The following WDPCP variants were observed in gnomAD, a reference collection of about 807,000 sequenced individuals.
WDPCP encodes the protein WD repeat-containing and planar cell polarity effector protein fritz homolog.
WDPCP carries 71 observed loss-of-function variants against 93.1 expected under a neutral mutation model. The ratio of observed to expected loss-of-function variants is 0.76; its 90% CI spans 0.63 to 0.93. The LOEUF is 0.93. WDPCP is among the 40% of genes least tolerant of loss of function. The probability of loss-of-function intolerance (pLI) is 0.00; values close to 1 mark genes in which losing one functional copy is unlikely to be tolerated. For synonymous variants in WDPCP, 315 were observed against 315.0 expected (o/e 1.00, Z 0.00); for missense variants, 844 against 887.4 (o/e 0.95, Z 0.62).
intron 1 of WDPCP, among the ~76,000 whole-genome samples, chr2:63,522,254 A>G (rs1370077583): frequency 1.3e-5 from 2 of 151,166 alleles, no homozygotes; most frequent in Non-Finnish European, 1.5e-5. Context: ...ACTTCCACTT[A>G]TGAGTGAAAA....
rs1709005044 is a variant in WDPCP, at chr2:63,588,180, C to G, written c.75+17G>C. On this transcript the variant is annotated intron_variant, in intron 1 of 17. Transcript: ENST00000272321. ...TAAGGTTAAAAGAAAACCCCTTGCC[C>G]TCGGGCCAGGGCTCACCTGTCTCGG... 2.1e-5 allele frequency: 33 copies of G among 1,558,242 alleles called. No individual in the cohort carries two copies. The highest frequency in any genetic ancestry group is 2.8e-5 in the Non-Finnish European group (32 of 1,149,560).
intron 6 of WDPCP, among the ~76,000 whole-genome samples, chr2:63,444,419 T>C (rs531468109): frequency 6.6e-6 from 1 of 152,236 alleles, no homozygotes; most frequent in South Asian, 2.1e-4. Context: ...CAACTAGAGT[T>C]AGAAAAATAT....
intron 1 of WDPCP, among the ~76,000 whole-genome samples, chr2:63,559,161 A>T (rs1706379103): frequency 6.6e-6 from 1 of 152,170 alleles, no homozygotes; most frequent in South Asian, 2.1e-4. Flanking sequence ...CATAAACAGA[A>T]CTAAAGAAAA....
intron 2 of WDPCP, among the ~76,000 whole-genome samples, chr2:63,673,735 T>C (rs1031000880): frequency 4.6e-5 from 7 of 152,198 alleles, no homozygotes; most frequent in African/African-American, 1.7e-4. Context: ...GTACAGTCTA[T>C]AAAAAGTCTT....
intron 14 of WDPCP, among the ~76,000 whole-genome samples, chr2:63,242,231 T>C (rs1679912178): frequency 6.6e-6 from 1 of 152,194 alleles, no homozygotes; most frequent in African/African-American, 2.4e-5. Context: ...CAACTTATAA[T>C]GCTACAGCTT....
rs573355942 is a variant in WDPCP, at chr2:63,798,421, G to A, written n.308+15201C>T. ...ACAACAAAATGTTAAAAAGCAGGGG[G>A]AAGAAGTTAAGGCATAGTCTTCATT... On this transcript the variant is annotated intron_variant and non_coding_transcript_variant, in intron 2 of 4. Transcript: ENST00000467687. 2.0e-5 allele frequency among the ~76,000 whole-genome samples: 3 copies of A among 152,242 alleles called. No individual in the cohort carries two copies. The South Asian group carries it at 6.2e-4, about 32-fold the overall frequency.
At position 63,588,406 on chromosome 2, in the gene WDPCP, A is replaced by G. The variant is rs1160896304; in HGVS notation, c.-135T>C. 3.8e-6 allele frequency: 4 copies of G among 1,055,496 alleles called. No individual in the cohort carries two copies. Among genetic ancestry groups the G allele is most frequent in the African/African-American group, 1.6e-5 (1 of 63,468 alleles). The allele number at this position is 1,055,496 out of a possible 1,614,324, so 65.4% of individuals were successfully genotyped here. A position where few individuals can be genotyped will look rare whatever the true frequency, so the allele number is the denominator to read the frequency against. On this transcript the variant is annotated 5_prime_UTR_variant, in exon 1 of 18. Coordinates refer to ENST00000272321, the MANE Select transcript of WDPCP (RefSeq NM_015910.7). ...ACAGTTTCCTCAGGTGCTACAAAGC[A>G]GCCAGGGTGTGCGTGCGCTCCCGCC...
chr2:63,127,697 G>GCA lies in WDPCP; in HGVS notation c.2191-5643_2191-5642dup, dbSNP rs920755443. ...TATATATATATATATATATATATAC[G>GCA]CACACACACACATATATATATGCAC... On this transcript the variant is annotated intron_variant, in intron 17 of 17. Coordinates refer to ENST00000272321, the MANE Select transcript of WDPCP (RefSeq NM_015910.7). 4.8e-3 allele frequency among the ~76,000 whole-genome samples: 471 copies of GCA among 99,134 alleles called. 2 individuals are homozygous for GCA. Among genetic ancestry groups the GCA allele is most frequent in the African/African-American group, 0.017 (450 of 25,936 alleles). 65.0% of individuals were successfully genotyped at this position (99,134 alleles called of 152,430 possible). A position where few individuals can be genotyped will look rare whatever the true frequency, so the allele number is the denominator to read the frequency against.
At position 63,376,821 on chromosome 2, in the gene WDPCP, C is replaced by T. The variant is rs13403912; in HGVS notation, c.1748+1565G>A. ...ATTCAATTACATATCATAACCCTTG[C>T]AATATTTTAATGTTTCTCAGCTTCT... On this transcript the variant is annotated intron_variant, in intron 12 of 17. Transcript: ENST00000272321. Among the ~76,000 whole-genome samples the T allele has an allele frequency of 8.2e-4, 124 of 151,976 alleles. No homozygotes were observed. In the Middle Eastern group the frequency reaches 0.01, roughly 13 times the overall value.
intron 6 of WDPCP, among the ~76,000 whole-genome samples, chr2:63,481,188 G>A (rs896845602): frequency 1.3e-5 from 2 of 151,918 alleles, no homozygotes; most frequent in Non-Finnish European, 2.9e-5. Context: ...ACCACAATGT[G>A]ATATACCACC....
At chr2:63,123,008 T>TCTAC in intron 17 of WDPCP, among the ~76,000 whole-genome samples, 1 of 150,414 alleles carries the variant, frequency 6.6e-6, no homozygotes, top group African/African-American at 2.4e-5. Context: ...AACACATGTA[T>TCTAC]GTAGGTATGT....
intron 1 of WDPCP, among the ~76,000 whole-genome samples, chr2:63,578,908 G>T (rs1708294808): frequency 6.6e-6 from 1 of 152,076 alleles, no homozygotes. Flanking sequence ...TCCTATTTAG[G>T]AGAGGAGAGA....
intron 2 of WDPCP, among the ~76,000 whole-genome samples, chr2:63,758,433 T>TG (rs1670001111): frequency 6.6e-6 from 1 of 152,160 alleles, no homozygotes; most frequent in Non-Finnish European, 1.5e-5. Context: ...GGAATCTTTT[T>TG]GTTTTGTTTT....
intron 14 of WDPCP, chr2:63,233,379 CAG>C (rs1679102382): frequency 3.8e-6 from 1 of 262,116 alleles, no homozygotes; most frequent in South Asian, 5.8e-5. Flanking sequence ...CATAAATCCA[CAG>C]AGTCTACACA....
At chr2:63,363,232 T>A (rs1690623186) in intron 12 of WDPCP, among the ~76,000 whole-genome samples, 1 of 152,166 alleles carries the variant, frequency 6.6e-6, no homozygotes, top group African/African-American at 2.4e-5. Flanking sequence ...TCACCCTCCA[T>A]ATCTTGCAGA....
chr2:63,205,241 A>G (rs1412591470), intron 14 of WDPCP, among the ~76,000 whole-genome samples: 2 of 152,096 alleles, frequency 1.3e-5, no homozygotes, highest in Non-Finnish European at 2.9e-5. Context: ...TTTGGTTACT[A>G]TAGCTCTGTA....
chr2:63,588,527 T>G (rs1170290458), upstream of WDPCP: 2 of 598,100 alleles, frequency 3.3e-6, no homozygotes, highest in Middle Eastern at 4.4e-4. Flanking sequence ...AGATTTTGTT[T>G]CCGGGTCGAT....
At chr2:63,425,912 A>G (rs898728277) in intron 9 of WDPCP, among the ~76,000 whole-genome samples, 8 of 152,228 alleles carry the variant, frequency 5.3e-5, no homozygotes, top group African/African-American at 1.9e-4. Flanking sequence ...ACCATCCCCA[A>G]GGCACATACT....
At chr2:63,645,704 A>G (rs898086041) in intron 3 of WDPCP, among the ~76,000 whole-genome samples, 6 of 152,148 alleles carry the variant, frequency 3.9e-5, no homozygotes, top group African/African-American at 1.4e-4. Context: ...GCACATATAT[A>G]TTTACAATTG....
Sources: gnomAD v4.1 joint callset for allele counts (sites outside exome capture counted in the v4.1 genomes callset) on GRCh38, gnomAD v4.1.1 for gene constraint, MANE v1.5 for transcripts, NCBI Gene and HGNC (gene_info 2026-07-23, HGNC 2026-07-21) for gene names.